DGLUCY: variants seen among roughly 807,000 people sequenced by gnomAD.
DGLUCY encodes D-glutamate cyclase, mitochondrial.
DGLUCY carries 58 observed loss-of-function variants against 58.5 expected under a neutral mutation model. The observed-to-expected ratio is 0.99, with a 90% CI of 0.80 to 1.23. The LOEUF (loss-of-function observed/expected upper bound fraction) is 1.23. Ranked by LOEUF, DGLUCY falls within the 50% of genes most tolerant of loss-of-function variation. The probability of loss-of-function intolerance (pLI) is 0.00; values close to 1 mark genes in which losing one functional copy is unlikely to be tolerated. For synonymous variants in DGLUCY, 325 were observed against 314.1 expected, an observed-to-expected ratio of 1.03 and a Z score of -0.37; for missense variants, 779 against 784.7, an observed-to-expected ratio of 0.99 and a Z score of 0.09.
chr14:91,219,152 CCTGGGTGACAGAG>C, intron 13 of DGLUCY, among the ~76,000 whole-genome samples: 1 of 151,628 alleles, frequency 6.6e-6, no homozygotes, highest in Non-Finnish European at 1.5e-5. Flanking sequence ...TGCACTCCAG[CCTGGGTGACAGAG>C]TGAGGCTCTG....
intron 3 of DGLUCY, among the ~76,000 whole-genome samples, chr14:91,162,222 C>G (rs1482806226): frequency 6.6e-6 from 1 of 152,168 alleles, no homozygotes; most frequent in Non-Finnish European, 1.5e-5. Context: ...GAAACTCCAG[C>G]TTGGAGCTGT....
At chr14:91,082,566 T>C (rs904213456) in intron 1 of DGLUCY, among the ~76,000 whole-genome samples, 3 of 152,208 alleles carry the variant, frequency 2.0e-5, no homozygotes, top group African/African-American at 7.2e-5. Context: ...ATCCTTATCA[T>C]GTTCTGTAAG....
upstream of DGLUCY, among the ~76,000 whole-genome samples, chr14:91,111,870 A>G (rs1037156865): frequency 2.0e-5 from 3 of 152,212 alleles, no homozygotes; most frequent in Admixed American, 6.5e-5. Flanking sequence ...TACTGTGTGT[A>G]TGTATCACAT....
At position 91,222,643 on chromosome 14, in the gene DGLUCY, C is replaced by T. The variant is rs117877166; in HGVS notation, c.1717-2041C>T. ...AGGCCAGCTGTGAAGAGACAGTTTG[C>T]AGTTAACATTTGCCAATGCTTTCTC... is the stretch of plus-strand genomic sequence containing the variant. On this transcript the variant is annotated intron_variant, in intron 13 of 13. Coordinates refer to ENST00000256324, the MANE Select transcript of DGLUCY (RefSeq NM_001102368.3). 9.9e-3 allele frequency among the ~76,000 whole-genome samples: 1,504 copies of T among 152,336 alleles called. 9 individuals are homozygous for T. The highest frequency in any genetic ancestry group is 0.015 in the Non-Finnish European group (1,036 of 68,024).
chr14:91,221,541 GTGGATGGA>G (rs1887503168), intron 13 of DGLUCY, among the ~76,000 whole-genome samples: 3 of 151,702 alleles, frequency 2.0e-5, no homozygotes, highest in Admixed American at 6.6e-5. Context: ...GGGTAGGTGG[GTGGATGGA>G]GGGATGGAGG....
intron 12 of DGLUCY, among the ~76,000 whole-genome samples, chr14:91,214,305 G>A (rs957389353): frequency 4.2e-4 from 64 of 152,094 alleles, no homozygotes; most frequent in Non-Finnish European, 1.5e-4. Context: ...TGCTTACCAG[G>A]CCCTTCATCA....
At chr14:91,215,842 G>T in intron 13 of DGLUCY, 1 of 1,019,538 alleles carries the variant, frequency 9.8e-7, no homozygotes, top group South Asian at 1.7e-5. Context: ...CTGTAAAATG[G>T]GGGTGGTCAG....
intron 1 of DGLUCY, among the ~76,000 whole-genome samples, chr14:91,116,835 T>C (rs189244602): frequency 6.6e-6 from 1 of 151,938 alleles, no homozygotes; most frequent in African/African-American, 2.4e-5. Context: ...TCCCAGCTAT[T>C]TGGGAGGCTG....
At chr14:91,150,652 C>T (rs1410782556) in intron 1 of DGLUCY, among the ~76,000 whole-genome samples, 1 of 152,026 alleles carries the variant, frequency 6.6e-6, no homozygotes, top group African/African-American at 2.4e-5. Flanking sequence ...TCTCGCACTC[C>T]TGGACTCAAG....
chr14:91,176,588 T>C (rs1418723854), intron 7 of DGLUCY, among the ~76,000 whole-genome samples: 1 of 152,108 alleles, frequency 6.6e-6, no homozygotes, highest in Non-Finnish European at 1.5e-5. Flanking sequence ...TACAACTCAA[T>C]TTTTTTGTCG....
At chr14:91,080,395 G>A (rs1457677167) in intron 1 of DGLUCY, among the ~76,000 whole-genome samples, 1 of 151,846 alleles carries the variant, frequency 6.6e-6, no homozygotes, top group Non-Finnish European at 1.5e-5. Context: ...TTTTTGAGAC[G>A]GAGTCTCGCA....
At chr14:91,121,729 TATC>T (rs1454051912) in intron 1 of DGLUCY, among the ~76,000 whole-genome samples, 1 of 152,086 alleles carries the variant, frequency 6.6e-6, no homozygotes, top group African/African-American at 2.4e-5. Context: ...ATTATTTATC[TATC>T]ATCAAGTATT....
upstream of DGLUCY, among the ~76,000 whole-genome samples, chr14:91,111,284 A>AT (rs1192234012): frequency 2.3e-4 from 12 of 52,252 alleles, no homozygotes; most frequent in South Asian, 2.1e-3. Context: ...CTATATATAT[A>AT]TATATATTTT....
chr14:91,201,464 A>T (rs1050936707), intron 11 of DGLUCY, among the ~76,000 whole-genome samples: 20 of 151,902 alleles, frequency 1.3e-4, no homozygotes, highest in Non-Finnish European at 2.8e-4. Flanking sequence ...ACGCCCAGCT[A>T]ATTTTTGTAT....
At chr14:91,219,160 A>G (rs910606332) in intron 13 of DGLUCY, among the ~76,000 whole-genome samples, 1 of 151,872 alleles carries the variant, frequency 6.6e-6, no homozygotes, top group Non-Finnish European at 1.5e-5. Context: ...AGCCTGGGTG[A>G]CAGAGTGAGG....
chr14:91,116,037 G>A (rs2140115268), intron 1 of DGLUCY, among the ~76,000 whole-genome samples: 1 of 152,264 alleles, frequency 6.6e-6, no homozygotes, highest in African/African-American at 2.4e-5. Context: ...AAGTGCACAG[G>A]TATATGCTCT....
intron 12 of DGLUCY, among the ~76,000 whole-genome samples, chr14:91,212,722 G>T (rs917803303): frequency 1.3e-5 from 2 of 148,840 alleles, no homozygotes; most frequent in Admixed American, 1.4e-4. Context: ...TGAAGAAAAG[G>T]CTGGGCGCAG....
At chr14:91,126,015 A>G (rs1314923908) in intron 1 of DGLUCY, among the ~76,000 whole-genome samples, 1 of 152,188 alleles carries the variant, frequency 6.6e-6, no homozygotes, top group African/African-American at 2.4e-5. Flanking sequence ...CAACCCAAGC[A>G]TTGTGCTAAG....
intron 1 of DGLUCY, among the ~76,000 whole-genome samples, chr14:91,081,178 G>C (rs546775314): frequency 1.3e-5 from 2 of 151,958 alleles, no homozygotes; most frequent in South Asian, 4.2e-4. Flanking sequence ...ACTCCAGCCT[G>C]GGCGACAGAG....
Sources: allele counts gnomAD v4.1 joint callset (sites outside exome capture counted in the v4.1 genomes callset), GRCh38; gene constraint gnomAD v4.1.1; transcripts MANE v1.5; gene names NCBI Gene and HGNC (gene_info 2026-07-23, HGNC 2026-07-21).